REV1: variants seen among roughly 807,000 people sequenced by gnomAD.
The protein encoded by REV1 is REV1 DNA directed polymerase, also known as translesion synthesis protein REV1.
REV1 carries 42 observed loss-of-function variants against 137.4 expected under a neutral mutation model. That is an observed-to-expected ratio of 0.31 (90% CI 0.24 to 0.40). REV1 has a LOEUF of 0.40. Among genes scored for constraint, REV1 ranks in the 10% least tolerant of loss-of-function variants. The pLI is 1.00. For missense variants in REV1, 1,282 were observed against 1,490.1 expected (o/e 0.86, Z 2.30); for synonymous variants, 524 against 519.2 (o/e 1.01, Z -0.12).
At chr2:99,443,865 C>CG (rs1681825809) in intron 4 of REV1, among the ~76,000 whole-genome samples, 1 of 149,912 alleles carries the variant, frequency 6.7e-6, no homozygotes, top group African/African-American at 2.5e-5. Context: ...TTTTTTGAGA[C>CG]GGAGTCTCGC....
In REV1 at chr2:99,401,772, C is replaced by CAA. The variant is rs553883281; in HGVS notation, c.3645-422_3645-421dup. On this transcript the variant is annotated intron_variant, in intron 22 of 22. Coordinates refer to ENST00000258428, the MANE Select transcript of REV1 (RefSeq NM_016316.4). ...AAAAAAAATAAAATCCTAGAACACT[C>CAA]AAATTTTTTTTTATTTTGTTTTGAG... Among the ~76,000 whole-genome samples, 420 of 152,196 alleles carry CAA rather than the reference C, an allele frequency of 2.8e-3. 6 individuals are homozygous for CAA. The highest frequency in any genetic ancestry group is 9.5e-3 in the African/African-American group (393 of 41,546).
chr2:99,488,755 T>C (rs751802822), intron 1 of REV1, among the ~76,000 whole-genome samples: 1 of 152,108 alleles, frequency 6.6e-6, no homozygotes, highest in Non-Finnish European at 1.5e-5. Context: ...AGAACCAAGG[T>C]TATGGTTGGT....
intron 14 of REV1, among the ~76,000 whole-genome samples, chr2:99,410,310 C>G (rs1559293187): frequency 6.6e-6 from 1 of 152,130 alleles, no homozygotes; most frequent in Non-Finnish European, 1.5e-5. Flanking sequence ...CACACCTGGC[C>G]TGTATCATTG....
chr2:99,463,972 C>T (rs1684529176), intron 2 of REV1, among the ~76,000 whole-genome samples: 2 of 152,070 alleles, frequency 1.3e-5, no homozygotes, highest in African/African-American at 4.8e-5. Context: ...ATACAGAGGG[C>T]TTAAAATGAA....
chr2:99,461,611 C>T (rs746053416), intron 3 of REV1, among the ~76,000 whole-genome samples: 1 of 152,072 alleles, frequency 6.6e-6, no homozygotes, highest in Non-Finnish European at 1.5e-5. Flanking sequence ...TCAAAAAATA[C>T]AATGAAATGA....
At chr2:99,439,359 A>C (rs758244665) in intron 5 of REV1, 49 bp from the exon 6 acceptor site, 1 of 1,333,134 alleles carries the variant, frequency 7.5e-7, no homozygotes, top group African/African-American at 1.5e-5. Flanking sequence ...CTTTTAGGTT[A>C]AAACAATTTT....
At chr2:99,448,759 G>A (rs28369966) in intron 4 of REV1, among the ~76,000 whole-genome samples, 23 of 152,106 alleles carry the variant, frequency 1.5e-4, no homozygotes, top group Admixed American at 1.3e-4. Flanking sequence ...TCTTTAAGAG[G>A]TGCACACATA....
intron 6 of REV1, among the ~76,000 whole-genome samples, chr2:99,436,990 G>GT (rs749608176): frequency 0.17 from 21,283 of 128,816 alleles, 1,790 homozygotes; most frequent in Admixed American, 0.23. Context: ...CTTTTTTTTT[G>GT]TTTTTTTTTT....
At position 99,438,758 on chromosome 2, in the gene REV1, G is replaced by GATT; in HGVS notation, c.1055_1056insAAT (p.Phe352delinsLeuIle). ...TGTGATGCAGTCTTGAATGAGAATAGAAGTTTGAAATAAAATTGCAGTCTG... is the reference window on the plus strand; with the variant it reads ...TGTGATGCAGTCTTGAATGAGAATAGATTAAGTTTGAAATAAAATTGCAGTCTG... On this transcript the variant is annotated protein_altering_variant, in exon 6 of 23. Coordinates refer to ENST00000258428, the MANE Select transcript of REV1 (RefSeq NM_016316.4). 1 of 1,614,180 alleles carries GATT rather than the reference G, an allele frequency of 6.2e-7. No homozygotes were observed. Among genetic ancestry groups the GATT allele is most frequent in the Non-Finnish European group, 8.5e-7 (1 of 1,180,024 alleles).
intron 1 of REV1, among the ~76,000 whole-genome samples, chr2:99,484,917 C>G (rs1264408550): frequency 6.6e-6 from 1 of 152,174 alleles, no homozygotes; most frequent in Admixed American, 6.5e-5. Context: ...AAATCTGTTT[C>G]TTTATAATGG....
At chr2:99,402,380 G>A in intron 21 of REV1, 34 bp from the exon 22 acceptor site, 2 of 1,081,976 alleles carry the variant, frequency 1.8e-6, no homozygotes, top group East Asian at 2.4e-5. Flanking sequence ...ATGAGGACCA[G>A]TCTTTTTGAA....
intron 1 of REV1, among the ~76,000 whole-genome samples, chr2:99,468,176 ATC>A (rs779863432): frequency 3.8e-4 from 38 of 100,796 alleles, no homozygotes; most frequent in Non-Finnish European, 5.7e-4. Context: ...GCGAAACTCC[ATC>A]TCAAAAAAAA....
chr2:99,407,112 CAG>C (rs1163999744), intron 15 of REV1, among the ~76,000 whole-genome samples: 6 of 42,080 alleles, frequency 1.4e-4, no homozygotes, highest in East Asian at 5.6e-4. Context: ...TTTTTTGAGA[CAG>C]AGCCTCACTG....
chr2:99,437,406 A>T (rs1179479442), intron 6 of REV1, among the ~76,000 whole-genome samples: 1 of 152,176 alleles, frequency 6.6e-6, no homozygotes, highest in African/African-American at 2.4e-5. Flanking sequence ...CCTGCAGCCT[A>T]AGAGTGGCAG....
chr2:99,465,671 C>T (rs543766810), intron 1 of REV1, among the ~76,000 whole-genome samples: 1 of 152,292 alleles, frequency 6.6e-6, no homozygotes, highest in South Asian at 2.1e-4. Flanking sequence ...AATGAAACCC[C>T]TTGTAAAGTC....
chr2:99,472,750 G>A (rs896249), intron 1 of REV1, among the ~76,000 whole-genome samples: 65,464 of 151,978 alleles, frequency 0.43, 14,343 homozygotes, highest in Admixed American at 0.58. Flanking sequence ...ACAAGAACCA[G>A]GTATTGCCTT....
At position 99,434,389 on chromosome 2, in the gene REV1, C is replaced by G. The variant is rs750998200; in HGVS notation, c.1381G>C (p.Ala461Pro). The G allele has an allele frequency of 1.2e-6, 2 of 1,606,138 alleles. No individual in the cohort carries two copies. Among genetic ancestry groups the G allele is most frequent in the African/African-American group, 1.3e-5 (1 of 74,658 alleles). ...GTGRAPLRPG[A>P]NPQLEWQYYQ... ...TACTGCCACTCCAGCTGGGGGTTAG[C>G]GCCAGGACGTAAAGGTGCCCTTCCT... The change falls in exon 8 of 23, where the codon GCT becomes CCT. Residue 461 changes from alanine (A) to proline (P), a missense_variant. This residue lies in a region of REV1 where 432 missense variants were observed against 438.0 expected (regional missense o/e 0.99). Coordinates refer to ENST00000258428, the MANE Select transcript of REV1 (RefSeq NM_016316.4).
intron 21 of REV1, 149 bp from the exon 22 acceptor site, chr2:99,402,495 C>A (rs1675610438): frequency 1.1e-6 from 1 of 891,014 alleles, no homozygotes; most frequent in Non-Finnish European, 1.7e-6. Context: ...AAAGCAAGTC[C>A]CAGAATTTAA....
intron 1 of REV1, among the ~76,000 whole-genome samples, chr2:99,478,160 C>T (rs1686198770): frequency 6.6e-6 from 1 of 152,104 alleles, no homozygotes; most frequent in Admixed American, 6.6e-5. Flanking sequence ...CACTTAAACC[C>T]GGGAGGCAGA....
Sources: allele counts gnomAD v4.1 joint callset (sites outside exome capture counted in the v4.1 genomes callset), GRCh38; gene constraint gnomAD v4.1.1; regional missense constraint gnomAD v4.1.1; transcripts MANE v1.5; gene names NCBI Gene and HGNC (gene_info 2026-07-23, HGNC 2026-07-21).